The following NCR1 variants were observed in gnomAD, a reference collection of about 807,000 sequenced individuals.
The protein encoded by NCR1 is natural cytotoxicity triggering receptor 1, also known as NK cell-activating receptor.
Under a neutral mutation model 32.5 loss-of-function variants are expected in NCR1, and 30 were observed. The observed-to-expected ratio is 0.92, with a 90% confidence interval of 0.69 to 1.25. NCR1 has a LOEUF of 1.25. NCR1 is among the 50% of genes most tolerant of loss of function. The pLI is 0.00. For synonymous variants in NCR1, 169 were observed against 143.4 expected (o/e 1.18, Z -1.28); for missense variants, 369 against 380.7 (o/e 0.97, Z 0.26).
chr19:54,930,977 C>T, the NCR1 span, among the ~76,000 whole-genome samples: 2 of 150,516 alleles, frequency 1.3e-5, no homozygotes, highest in Admixed American at 6.7e-5. Context: ...GAGCTGAGAT[C>T]GCGCCACTGC....
the NCR1 span, among the ~76,000 whole-genome samples, chr19:54,925,978 C>T: frequency 7.3e-5 from 11 of 149,768 alleles, no homozygotes; most frequent in African/African-American, 2.5e-4. Flanking sequence ...CCAGCCTGGG[C>T]GACAGAGACT....
At chr19:54,909,551 C>T in intron 4 of NCR1, 28 bp downstream of exon 4, 3 of 1,586,932 alleles carry the variant, frequency 1.9e-6, no homozygotes, top group Admixed American at 1.7e-5. Flanking sequence ...TCCCCACACC[C>T]TTCGCCGCCA....
the NCR1 span, chr19:54,923,724 A>C: frequency 5.0e-6 from 8 of 1,612,364 alleles, no homozygotes; most frequent in South Asian, 7.7e-5. Context: ...TAATTCGTAG[A>C]GCGATCCCAG....
chr19:54,925,936 C>T, the NCR1 span, among the ~76,000 whole-genome samples: 42 of 151,484 alleles, frequency 2.8e-4, no homozygotes, highest in Non-Finnish European at 5.3e-4. Context: ...GGAGGTGGAG[C>T]TTGCAGTGAG....
At chr19:54,906,837 G>A in intron 3 of NCR1, 30 bp downstream of exon 3, 1 of 1,609,612 alleles carries the variant, frequency 6.2e-7, no homozygotes, top group South Asian at 1.1e-5. Flanking sequence ...ACTGGAGAGT[G>A]ATCTCAGTCT....
the NCR1 span, among the ~76,000 whole-genome samples, chr19:54,924,850 C>T: frequency 3.9e-5 from 6 of 152,062 alleles, no homozygotes; most frequent in African/African-American, 1.4e-4. Context: ...ACAGGAGAAT[C>T]GCTTTGAACC....
the NCR1 span, among the ~76,000 whole-genome samples, chr19:54,929,356 CTCTG>C: frequency 6.6e-6 from 1 of 151,822 alleles, no homozygotes; most frequent in South Asian, 2.1e-4. Context: ...CAAAGCGAGA[CTCTG>C]TCTGAAAAAA....
At chr19:54,937,522 ACCT>A in the NCR1 span, among the ~76,000 whole-genome samples, 1 of 150,824 alleles carries the variant, frequency 6.6e-6, no homozygotes, top group Non-Finnish European at 1.5e-5. Flanking sequence ...AGAAAATTCC[ACCT>A]CTACTAAAAA....
At chr19:54,905,571 G>A (rs1460666535), upstream of NCR1, among the ~76,000 whole-genome samples, 2 of 152,090 alleles carry the variant, frequency 1.3e-5, no homozygotes, top group Admixed American at 6.6e-5. Flanking sequence ...TATGTTTTAC[G>A]ACTTGAGGTT....
chr19:54,937,601 A>G, the NCR1 span, among the ~76,000 whole-genome samples: 1 of 152,026 alleles, frequency 6.6e-6, no homozygotes, highest in East Asian at 1.9e-4. Flanking sequence ...CAGAAAAAAT[A>G]AAAAATAAAA....
Position 54,906,576 on chromosome 19 carries a change from GA to G in NCR1, c.128del (p.Lys43SerfsTer3), listed in dbSNP as rs774807940. The G allele has an allele frequency of 3.2e-5, 52 of 1,613,342 alleles. No individual in the cohort carries two copies. The highest frequency in any genetic ancestry group is 4.3e-5 in the Non-Finnish European group (51 of 1,180,048). On this transcript the variant is annotated frameshift_variant, in exon 3 of 7. Transcript: ENST00000291890. LOFTEE classifies it high-confidence loss of function. ...WAEPHFMVPK[E>X]KQVTICCQGN... is the part of the protein sequence containing the mutation. ...CGAGCCCCATTTCATGGTTCCAAAG[GA>G]AAAGCAAGTGACCATCTGTTGCCAG...
chr19:54,906,714 A>G lies in NCR1; in HGVS notation c.262A>G (p.Met88Val). The G allele has an allele frequency of 1.9e-6, 3 of 1,614,228 alleles. No homozygotes were observed. The highest frequency in any genetic ancestry group is 1.1e-5 in the South Asian group (1 of 91,086). The change falls in exon 3 of 7, where the codon ATG (methionine) becomes GTG (valine). Residue 88 changes from methionine to valine, a missense_variant. Physicochemically the swap from Met to Val is conservative, Grantham distance 21 (BLOSUM62 1). Transcript: ENST00000291890. ...INKVQFYIPD[M>V]NSRMAGQYSC... ...CAAAGTCCAATTCTACATCCCGGAC[A>G]TGAACTCCCGCATGGCAGGGCAATA...
chr19:54,912,330 C>A, intron 6 of NCR1, 112 bp downstream of exon 6: 1 of 1,056,276 alleles, frequency 9.5e-7, no homozygotes, highest in Non-Finnish European at 1.5e-6. Context: ...GGCGCAGTAG[C>A]TCACACCTGT....
the NCR1 span, among the ~76,000 whole-genome samples, chr19:54,925,994 C>T: frequency 6.6e-6 from 1 of 150,860 alleles, no homozygotes. Flanking sequence ...AGACTGGAGT[C>T]TCTGTCTCAA....
chr19:54,911,711 C>T (rs2067986412), intron 5 of NCR1, among the ~76,000 whole-genome samples: 1 of 152,104 alleles, frequency 6.6e-6, no homozygotes, highest in African/African-American at 2.4e-5. Context: ...GATCACACCA[C>T]TGTACTCCAG....
upstream of NCR1, among the ~76,000 whole-genome samples, chr19:54,902,154 T>C (rs1166723788): frequency 6.6e-6 from 1 of 152,164 alleles, no homozygotes; most frequent in African/African-American, 2.4e-5. Context: ...TTTTGGGAAA[T>C]ATAACCTGAA....
chr19:54,919,714 A>ACTC (rs1340754463), downstream of NCR1, among the ~76,000 whole-genome samples: 33 of 100,064 alleles, frequency 3.3e-4, 1 homozygote, highest in East Asian at 9.8e-3. Context: ...GGAAAGGGAG[A>ACTC]CCCCCCCCCC....
chr19:54,900,753 T>C, the NCR1 span, among the ~76,000 whole-genome samples: 4 of 152,092 alleles, frequency 2.6e-5, no homozygotes, highest in African/African-American at 7.2e-5. Context: ...TACCTTCTGG[T>C]GTTTAGAGAC....
chr19:54,911,573 G>A (rs1569537458), intron 5 of NCR1, among the ~76,000 whole-genome samples: 2 of 150,950 alleles, frequency 1.3e-5, no homozygotes, highest in African/African-American at 4.9e-5. Flanking sequence ...CCAACACAGT[G>A]AAACCCCATC....
Sources: allele counts gnomAD v4.1 joint callset (sites outside exome capture counted in the v4.1 genomes callset), GRCh38; gene constraint gnomAD v4.1.1; transcripts MANE v1.5; gene names NCBI Gene and HGNC (gene_info 2026-07-23, HGNC 2026-07-21).